PTBP3: variants seen among roughly 807,000 people sequenced by gnomAD.
PTBP3 encodes polypyrimidine tract-binding protein 3.
PTBP3 carries 20 observed loss-of-function variants against 58.7 expected under a neutral mutation model. That is an observed-to-expected ratio of 0.34 (90% CI 0.24 to 0.50). The LOEUF (loss-of-function observed/expected upper bound fraction) is 0.50. PTBP3 is among the 20% of genes least tolerant of loss of function. The pLI is 0.98. For synonymous variants in PTBP3, 185 were observed against 219.8 expected (o/e 0.84, Z 1.40); for missense variants, 509 against 637.2 (o/e 0.80, Z 2.17).
rs1292199181 is a variant in PTBP3, at chr9:112,256,301, A to G, written c.517-3513T>C. ...TATATATATATATATATACATATAT[A>G]TATATATATTTATCTATCTTGCTGT... is the stretch of plus-strand genomic sequence containing the variant. On this transcript the variant is annotated intron_variant, in intron 5 of 13. Transcript: ENST00000374257. Among the ~76,000 whole-genome samples the G allele has an allele frequency of 7.1e-3, 421 of 59,256 alleles. 3 individuals carry two copies. The highest frequency in any genetic ancestry group is 0.014 in the South Asian group (35 of 2,440). The allele number at this position is 59,256 out of a possible 152,430, so 38.9% of individuals were successfully genotyped here. A position where few individuals can be genotyped will look rare whatever the true frequency, so the allele number is the denominator to read the frequency against.
the PTBP3 span, among the ~76,000 whole-genome samples, chr9:112,370,473 G>A: frequency 6.6e-6 from 1 of 152,212 alleles, no homozygotes; most frequent in South Asian, 2.1e-4. Flanking sequence ...CCCAGGAGGT[G>A]GAGGTTGCAG....
intron 7 of PTBP3, among the ~76,000 whole-genome samples, chr9:112,237,985 G>A (rs1036762167): frequency 5.9e-5 from 9 of 152,140 alleles, no homozygotes; most frequent in South Asian, 2.1e-4. Context: ...GATCCTGAAC[G>A]TAGAGCCTTT....
At chr9:112,248,623 A>AT (rs1017557945) in intron 7 of PTBP3, among the ~76,000 whole-genome samples, 3 of 152,138 alleles carry the variant, frequency 2.0e-5, no homozygotes, top group Admixed American at 2.0e-4. Flanking sequence ...CTAAAATAAA[A>AT]TTTTTTTTAA....
chr9:112,284,310 G>A (rs986558738), intron 2 of PTBP3, among the ~76,000 whole-genome samples: 5 of 152,188 alleles, frequency 3.3e-5, no homozygotes, highest in African/African-American at 7.2e-5. Flanking sequence ...CCACCGGGGC[G>A]GAGATGCCCA....
chr9:112,220,971 A>T lies in PTBP3; in HGVS notation c.*2880T>A. 1 of 967,022 alleles carries T rather than the reference A, an allele frequency of 1.0e-6. No homozygotes were observed. Among genetic ancestry groups the T allele is most frequent in the Non-Finnish European group, 1.2e-6 (1 of 813,296 alleles). The allele number at this position is 967,022 out of a possible 1,614,324, so 59.9% of individuals were successfully genotyped here. ...TGCATGCCAAAACAGAGATACACAG[A>T]TCTAGTTTTTCCACCATCCTGATAT... On this transcript the variant is annotated 3_prime_UTR_variant, in exon 14 of 14. Transcript: ENST00000374257.
intron 1 of PTBP3, among the ~76,000 whole-genome samples, chr9:112,329,053 T>C (rs1587899895): frequency 1.3e-5 from 2 of 152,198 alleles, no homozygotes; most frequent in Admixed American, 6.5e-5. Context: ...AGGGAACCTT[T>C]AGAACACCCA....
the PTBP3 span, among the ~76,000 whole-genome samples, chr9:112,367,333 T>C: frequency 5.9e-5 from 9 of 152,232 alleles, no homozygotes; most frequent in African/African-American, 2.2e-4. Context: ...TTTCATTTTG[T>C]TAGCTATTAT....
the PTBP3 span, among the ~76,000 whole-genome samples, chr9:112,377,536 T>C: frequency 2.0e-5 from 3 of 152,176 alleles, no homozygotes; most frequent in Non-Finnish European, 4.4e-5. Flanking sequence ...TTAAGTTATA[T>C]AAACTATCCC....
the PTBP3 span, among the ~76,000 whole-genome samples, chr9:112,356,681 G>A: frequency 1.3e-5 from 2 of 151,220 alleles, no homozygotes; most frequent in African/African-American, 4.9e-5. Flanking sequence ...TTGTTTTCTA[G>A]AATTCCAGGT....
chr9:112,267,620 T>A (rs1017173499), intron 4 of PTBP3, among the ~76,000 whole-genome samples: 2 of 152,164 alleles, frequency 1.3e-5, no homozygotes, highest in Admixed American at 6.5e-5. Flanking sequence ...CTATGCTACA[T>A]TTCACATTCA....
chr9:112,231,534 T>A, intron 9 of PTBP3, 121 bp from the exon 10 acceptor site: 1 of 699,220 alleles, frequency 1.4e-6, no homozygotes. Context: ...GCTTCTTCCG[T>A]ATATACTAGT....
intron 7 of PTBP3, among the ~76,000 whole-genome samples, chr9:112,241,228 C>T (rs1192478305): frequency 6.6e-6 from 1 of 152,066 alleles, no homozygotes; most frequent in Non-Finnish European, 1.5e-5. Flanking sequence ...CTCAGCCTCC[C>T]AAGTAGCTGG....
At chr9:112,300,279 G>A (rs1371795708) in intron 1 of PTBP3, among the ~76,000 whole-genome samples, 1 of 152,118 alleles carries the variant, frequency 6.6e-6, no homozygotes, top group African/African-American at 2.4e-5. Context: ...GCCTGCTTGT[G>A]TGCACCTAGA....
In PTBP3 at chr9:112,333,607, G is replaced by C. The variant is rs1042215647; in HGVS notation, c.-189C>G. On this transcript the variant is annotated 5_prime_UTR_variant, in exon 1 of 14. Coordinates refer to ENST00000374257, the MANE Select transcript of PTBP3 (RefSeq NM_001163788.4). ...TCTGCGGAGCCCCGGCCGGTCCGAG[G>C]TGGAAGGAGAGTGGGAACAGGGGCG... is the stretch of plus-strand genomic sequence containing the variant. The C allele has an allele frequency of 8.8e-7, 1 of 1,139,184 alleles. No individual in the cohort carries two copies. Among genetic ancestry groups the C allele is most frequent in the Non-Finnish European group, 1.3e-6 (1 of 791,308 alleles). The allele number at this position is 1,139,184 out of a possible 1,614,324, so 70.6% of individuals were successfully genotyped here.
chr9:112,275,033 A>G lies in PTBP3; in HGVS notation c.204+811T>C, dbSNP rs554677374. Among the ~76,000 whole-genome samples the G allele has an allele frequency of 3.9e-5, 6 of 152,240 alleles. No homozygotes were observed. The South Asian group carries it at 1.2e-3, about 31-fold the overall frequency. On this transcript the variant is annotated intron_variant, in intron 3 of 13. Transcript: ENST00000374257. ...TCTTGCCCGGTGGAATATTCATTCT[A>G]TTTTAAAGAATGAAGTGTTGCTCGG...
the PTBP3 span, among the ~76,000 whole-genome samples, chr9:112,354,328 A>G: frequency 6.6e-6 from 1 of 152,246 alleles, no homozygotes; most frequent in Non-Finnish European, 1.5e-5. Context: ...GGTTCTGAAA[A>G]ATATTTCACT....
In PTBP3 at chr9:112,232,012, AAGAG is replaced by A; in HGVS notation, c.1020+83_1020+86del. 30 of 747,262 alleles carry A rather than the reference AAGAG, an allele frequency of 4.0e-5. No homozygotes were observed. The African/African-American group carries it at 4.9e-4, about 12-fold the overall frequency. The allele number at this position is 747,262 out of a possible 1,614,324, so 46.3% of individuals were successfully genotyped here. On this transcript the variant is annotated intron_variant, in intron 9 of 13. Coordinates refer to ENST00000374257, the MANE Select transcript of PTBP3 (RefSeq NM_001163788.4). ...AAGAGAAGAGAAGAGAAGAGAAGAG[AAGAG>A]AAGAAAAGAAAAGAAAGAAAGAAAA...
chr9:112,344,405 T>C, the PTBP3 span, among the ~76,000 whole-genome samples: 1 of 152,144 alleles, frequency 6.6e-6, no homozygotes, highest in Non-Finnish European at 1.5e-5. Flanking sequence ...AACAGGTTGT[T>C]ATAAAGCAAA....
chr9:112,270,073 T>G (rs970937289), intron 3 of PTBP3, among the ~76,000 whole-genome samples: 4 of 152,052 alleles, frequency 2.6e-5, no homozygotes, highest in African/African-American at 9.6e-5. Flanking sequence ...GCCTCACAAG[T>G]GGCTGGGATT....
Sources: gnomAD v4.1 joint callset for allele counts (sites outside exome capture counted in the v4.1 genomes callset) on GRCh38, gnomAD v4.1.1 for gene constraint, MANE v1.5 for transcripts, NCBI Gene and HGNC (gene_info 2026-07-23, HGNC 2026-07-21) for gene names.